PAK2: variants seen among roughly 807,000 people sequenced by gnomAD.
The protein encoded by PAK2 is p21 (RAC1) activated kinase 2.
PAK2 carries 21 observed loss-of-function variants against 65.9 expected under a neutral mutation model. That is an observed-to-expected ratio of 0.32 (90% CI 0.23 to 0.46). The LOEUF (loss-of-function observed/expected upper bound fraction) is 0.46. Ranked by LOEUF, PAK2 falls within the 20% of genes least tolerant of loss-of-function variation. The pLI is 1.00. For synonymous variants in PAK2, 204 were observed against 219.7 expected (o/e 0.93, Z 0.63); for missense variants, 324 against 642.6 (o/e 0.50, Z 5.36).
chr3:196,742,484 TC>T (rs1713233353), intron 1 of PAK2, among the ~76,000 whole-genome samples: 1 of 152,256 alleles, frequency 6.6e-6, no homozygotes, highest in South Asian at 2.1e-4. Context: ...TTTAAGAACT[TC>T]AAGTAGCCAA....
chr3:196,806,576 C>T lies in PAK2; in HGVS notation c.469-3C>T, dbSNP rs761178315. The T allele has an allele frequency of 2.5e-6, 4 of 1,578,458 alleles. No individual in the cohort carries two copies. The Admixed American group carries it at 5.0e-5, about 20-fold the overall frequency. ...TTCCTTACTTTGCTCATCATCAATGCAGCTGAATGCCAAGGGAACAGAAGC... is the reference window on the plus strand; with the variant it reads ...TTCCTTACTTTGCTCATCATCAATGTAGCTGAATGCCAAGGGAACAGAAGC... On this transcript the variant is annotated splice_polypyrimidine_tract_variant and splice_region_variant and intron_variant, in intron 5 of 14. Transcript: ENST00000327134.
At chr3:196,810,883 T>G (rs1715757024) in intron 8 of PAK2, among the ~76,000 whole-genome samples, 1 of 152,054 alleles carries the variant, frequency 6.6e-6, no homozygotes, top group African/African-American at 2.4e-5. Context: ...AAGTGTCATT[T>G]CCCATCTGTG....
chr3:196,758,758 C>T (rs779124308), intron 1 of PAK2, among the ~76,000 whole-genome samples: 3 of 152,060 alleles, frequency 2.0e-5, no homozygotes, highest in Admixed American at 6.6e-5. Context: ...CTGGTTCGGG[C>T]GATTCTCATG....
intron 1 of PAK2, among the ~76,000 whole-genome samples, chr3:196,748,141 AT>A (rs1713452757): frequency 6.6e-6 from 1 of 152,078 alleles, no homozygotes; most frequent in Admixed American, 6.6e-5. Context: ...ATTTCTAATG[AT>A]TTTTAGAAAT....
intron 2 of PAK2, among the ~76,000 whole-genome samples, chr3:196,786,166 CTTT>C (rs201222000): frequency 7.0e-6 from 1 of 142,292 alleles, no homozygotes; most frequent in Admixed American, 7.0e-5. Context: ...ATCAATTTCT[CTTT>C]TTTTTTTTTT....
intron 1 of PAK2, among the ~76,000 whole-genome samples, chr3:196,760,899 A>T (rs1713937748): frequency 6.6e-6 from 1 of 152,180 alleles, no homozygotes; most frequent in Non-Finnish European, 1.5e-5. Flanking sequence ...ACAGAGATGT[A>T]TGGAAAGTGT....
chr3:196,782,601 CT>C (rs775092379), intron 1 of PAK2, 24 bp from the exon 2 acceptor site: 1 of 1,154,620 alleles, frequency 8.7e-7, no homozygotes, highest in Admixed American at 2.2e-5. Context: ...TACTTTGTTA[CT>C]AATTGTATTT....
At chr3:196,807,997 T>TA (rs1715640739) in intron 7 of PAK2, 83 bp downstream of exon 7, 1 of 1,348,802 alleles carries the variant, frequency 7.4e-7, no homozygotes, top group Admixed American at 2.2e-5. Flanking sequence ...AACTTACACT[T>TA]TACATTGTGA....
chr3:196,822,167 A>G (rs1322820615), intron 13 of PAK2, among the ~76,000 whole-genome samples: 3 of 152,242 alleles, frequency 2.0e-5, no homozygotes, highest in Non-Finnish European at 4.4e-5. Flanking sequence ...AAAGCCCTCT[A>G]ATGTTATTCA....
At position 196,798,347 on chromosome 3, in the gene PAK2, C is replaced by T. The variant is rs1456278758; in HGVS notation, c.188-3580C>T. 6.1e-5 allele frequency among the ~76,000 whole-genome samples: 7 copies of T among 114,052 alleles called. No individual in the cohort carries two copies. The South Asian group carries it at 1.6e-3, about 26-fold the overall frequency. 74.8% of individuals were successfully genotyped at this position (114,052 alleles called of 152,430 possible). A position where few individuals can be genotyped will look rare whatever the true frequency, so the allele number is the denominator to read the frequency against. On this transcript the variant is annotated intron_variant, in intron 2 of 14. Coordinates refer to ENST00000327134, the MANE Select transcript of PAK2 (RefSeq NM_002577.4). Reference sequence around the variant, plus strand: ...ATATGTACCAACTTTTTTTTCTTTTCTCTTTTTTTTTTTGGAGAAGGAGTC... The same window carrying T: ...ATATGTACCAACTTTTTTTTCTTTTTTCTTTTTTTTTTTGGAGAAGGAGTC...
chr3:196,816,213 T>C (rs1030177908), intron 11 of PAK2, among the ~76,000 whole-genome samples: 12 of 152,190 alleles, frequency 7.9e-5, no homozygotes, highest in Non-Finnish European at 1.8e-4. Flanking sequence ...AATTACAAAC[T>C]TTGTTCATGT....
chr3:196,795,562 G>A (rs554076654), intron 2 of PAK2, among the ~76,000 whole-genome samples: 3 of 152,116 alleles, frequency 2.0e-5, no homozygotes, highest in South Asian at 2.1e-4. Context: ...TATATAGGAC[G>A]AAGATAGAGT....
chr3:196,779,450 C>T (rs758818371), intron 1 of PAK2, among the ~76,000 whole-genome samples: 3 of 152,080 alleles, frequency 2.0e-5, no homozygotes, highest in Non-Finnish European at 2.9e-5. Flanking sequence ...AGTCATGAGA[C>T]GTGGTGAAGT....
chr3:196,823,701 AAAATAC>A (rs1372337166), intron 13 of PAK2, among the ~76,000 whole-genome samples: 2 of 151,922 alleles, frequency 1.3e-5, no homozygotes, highest in African/African-American at 2.4e-5. Context: ...GTCTCTACTA[AAAATAC>A]AAAAATGAGC....
At chr3:196,744,625 G>T (rs994290024) in intron 1 of PAK2, among the ~76,000 whole-genome samples, 2 of 120,570 alleles carry the variant, frequency 1.7e-5, no homozygotes, top group East Asian at 4.1e-4. Context: ...TTTACTTACT[G>T]AGTTAGAAAT....
At chr3:196,828,164 GTTGA>G (rs1478850521) in intron 14 of PAK2, among the ~76,000 whole-genome samples, 151 bp from the exon 15 acceptor site, 4 of 152,210 alleles carry the variant, frequency 2.6e-5, no homozygotes, top group Admixed American at 1.3e-4. Context: ...AAAGTAATGC[GTTGA>G]TTATGTTAGT....
chr3:196,817,155 AATTTTTT>A (rs1286104789), intron 11 of PAK2, among the ~76,000 whole-genome samples: 89 of 127,564 alleles, frequency 7.0e-4, no homozygotes, highest in African/African-American at 2.6e-3. Context: ...TGAAAGAGGC[AATTTTTT>A]TTTTTTTTTT....
intron 6 of PAK2, 47 bp downstream of exon 6, chr3:196,806,733 TAAAA>T: frequency 9.2e-7 from 1 of 1,092,748 alleles, no homozygotes; most frequent in Non-Finnish European, 1.4e-6. Context: ...ACGTGTGTTT[TAAAA>T]AATAGCAGAG....
At chr3:196,817,123 T>C (rs1404432663) in intron 11 of PAK2, among the ~76,000 whole-genome samples, 5 of 151,912 alleles carry the variant, frequency 3.3e-5, no homozygotes, top group African/African-American at 7.3e-5. Context: ...CCAAGTGTTG[T>C]ATACCTTTAG....
Sources: allele counts gnomAD v4.1 joint callset (sites outside exome capture counted in the v4.1 genomes callset), GRCh38; gene constraint gnomAD v4.1.1; transcripts MANE v1.5; gene names NCBI Gene and HGNC (gene_info 2026-07-23, HGNC 2026-07-21).